MPRIP: variants seen among roughly 807,000 people sequenced by gnomAD.
The protein encoded by MPRIP is myosin phosphatase Rho-interacting protein.
A neutral mutation model predicts 234.9 loss-of-function variants in MPRIP; 59 were observed. The ratio of observed to expected loss-of-function variants is 0.25; its 90% CI spans 0.20 to 0.31. The LOEUF is 0.31. MPRIP is among the 10% of genes least tolerant of loss of function. MPRIP has a pLI of 1.00. For synonymous variants in MPRIP, 1,144 were observed against 1,263.9 expected (o/e 0.91, Z 2.01); for missense variants, 2,436 against 3,071.0 (o/e 0.79, Z 4.89).
Position 17,164,221 on chromosome 17 carries a change from A to C in MPRIP, c.2630A>C (p.Gln877Pro), listed in dbSNP as rs560334996. The change falls in exon 16 of 24, where the codon CAG becomes CCG. Residue 877 changes from glutamine (Q) to proline (P), a missense_variant. Gln to Pro is a moderately conservative substitution (Grantham distance 76). Coordinates refer to ENST00000651222, the MANE Select transcript of MPRIP (RefSeq NM_001364716.4). Reference sequence around the variant, plus strand: ...CAGCGCCAGGAGCTGATTACACACCAGATTCAGACCCTGAAGCGTAGCTAT... The same window carrying C: ...CAGCGCCAGGAGCTGATTACACACCCGATTCAGACCCTGAAGCGTAGCTAT... The part of the protein sequence containing the change: ...QCQRQELITH[Q>P]IQTLKRSYGE... The C allele has an allele frequency of 7.7e-7, 1 of 1,304,378 alleles. No homozygotes were observed. The highest frequency in any genetic ancestry group is 5.5e-5 in the East Asian group (1 of 18,034). 80.8% of individuals were successfully genotyped at this position (1,304,378 alleles called of 1,614,324 possible).
At chr17:17,179,115 AC>A (rs1387561105) in intron 22 of MPRIP, among the ~76,000 whole-genome samples, 2 of 151,744 alleles carry the variant, frequency 1.3e-5, no homozygotes, top group Non-Finnish European at 1.5e-5. Flanking sequence ...GGAATTCGAG[AC>A]CAGTCTGGCC....
intron 3 of MPRIP, among the ~76,000 whole-genome samples, chr17:17,109,642 C>T (rs1341980960): frequency 6.6e-6 from 1 of 152,178 alleles, no homozygotes; most frequent in Non-Finnish European, 1.5e-5. Context: ...GCGGAGAGGG[C>T]CTAGAAGCTG....
At chr17:17,170,267 C>T (rs1407641020) in intron 16 of MPRIP, 2 of 150,986 alleles carry the variant, frequency 1.3e-5, no homozygotes, top group Admixed American at 6.6e-5. Flanking sequence ...CAAACAGAAG[C>T]GAGTGGGAGG....
At chr17:17,116,044 A>G (rs781664744) in intron 3 of MPRIP, among the ~76,000 whole-genome samples, 1 of 152,140 alleles carries the variant, frequency 6.6e-6, no homozygotes, top group Non-Finnish European at 1.5e-5. Context: ...TATTACATAT[A>G]TAAGTAAATC....
intron 3 of MPRIP, among the ~76,000 whole-genome samples, chr17:17,107,068 G>GT (rs1374128111): frequency 1.3e-5 from 2 of 152,238 alleles, no homozygotes; most frequent in Non-Finnish European, 2.9e-5. Flanking sequence ...CTCAAGGAAA[G>GT]TTTTATCTAC....
chr17:17,076,936 C>CTTTTTTTTTTTTTTTTTT (rs5819598), intron 2 of MPRIP: 3 of 91,386 alleles, frequency 3.3e-5, no homozygotes, highest in African/African-American at 1.3e-4. Context: ...GGGCTCTTTG[C>CTTTTTTTTTTTTTTTTTT]TTTTTTTTTT....
At chr17:17,066,416 T>C (rs1386834184) in intron 1 of MPRIP, among the ~76,000 whole-genome samples, 4 of 152,244 alleles carry the variant, frequency 2.6e-5, no homozygotes. Context: ...TTTTCTTCTG[T>C]AGAGCATTAA....
chr17:17,183,417 T>C (rs1285369940), intron 23 of MPRIP, among the ~76,000 whole-genome samples: 1 of 152,124 alleles, frequency 6.6e-6, no homozygotes, highest in Non-Finnish European at 1.5e-5. Flanking sequence ...GGGGTTTCAC[T>C]GTGTTAGCCA....
At chr17:17,046,316 T>G (rs2088349751) in intron 1 of MPRIP, among the ~76,000 whole-genome samples, 3 of 152,214 alleles carry the variant, frequency 2.0e-5, no homozygotes. Context: ...GCTTATGGGT[T>G]TTGCTGTTAC....
At chr17:17,169,436 A>G (rs1468375070) in intron 16 of MPRIP, among the ~76,000 whole-genome samples, 1 of 152,234 alleles carries the variant, frequency 6.6e-6, no homozygotes, top group African/African-American at 2.4e-5. Flanking sequence ...GGGAGGCCCC[A>G]TGCAGGTGCC....
intron 3 of MPRIP, among the ~76,000 whole-genome samples, chr17:17,101,298 G>T (rs1037078686): frequency 3.9e-5 from 6 of 152,220 alleles, no homozygotes; most frequent in Non-Finnish European, 7.3e-5. Context: ...GGGCCTGGTG[G>T]CCCACACCTG....
intron 3 of MPRIP, among the ~76,000 whole-genome samples, chr17:17,092,064 C>G (rs1369148706): frequency 6.6e-6 from 1 of 152,244 alleles, no homozygotes; most frequent in Non-Finnish European, 1.5e-5. Context: ...TGGGAACAAC[C>G]CCTTAACTCC....
intron 3 of MPRIP, among the ~76,000 whole-genome samples, chr17:17,124,805 G>A (rs1236409194): frequency 6.6e-6 from 1 of 152,174 alleles, no homozygotes; most frequent in East Asian, 1.9e-4. Context: ...TGCCCAGAGG[G>A]TTCAGACAGG....
chr17:17,121,652 ATTTTCT>A lies in MPRIP; in HGVS notation c.268-5033_268-5028del, dbSNP rs571078059. Among the ~76,000 whole-genome samples the A allele has an allele frequency of 6.1e-3, 921 of 151,908 alleles. 5 individuals are homozygous for A. The highest frequency in any genetic ancestry group is 0.011 in the Non-Finnish European group (745 of 67,934). On this transcript the variant is annotated intron_variant, in intron 3 of 23. Coordinates refer to ENST00000651222, the MANE Select transcript of MPRIP (RefSeq NM_001364716.4). ...GCACTACTGAGACTTGGAGGGAGCT[ATTTTCT>A]TTTTCTTTTTCTTTTTTTAAGTTCA...
intron 1 of MPRIP, among the ~76,000 whole-genome samples, chr17:17,071,373 A>G (rs1296265147): frequency 6.6e-6 from 1 of 151,872 alleles, no homozygotes; most frequent in Non-Finnish European, 1.5e-5. Flanking sequence ...TTTCTCCAGT[A>G]CCCACTCTGG....
At chr17:17,150,358 T>C in intron 12 of MPRIP, 125 bp downstream of exon 12, 1 of 671,568 alleles carries the variant, frequency 1.5e-6, no homozygotes, top group Non-Finnish European at 2.6e-6. Context: ...CAGCACTTAG[T>C]CTTTCCCACT....
At chr17:17,097,161 C>T (rs2089865537) in intron 3 of MPRIP, 1 of 198,576 alleles carries the variant, frequency 5.0e-6, no homozygotes, top group African/African-American at 2.3e-5. Flanking sequence ...AAAATCAGTT[C>T]ATGGTGAAAA....
chr17:17,135,115 T>G (rs1010419918), intron 5 of MPRIP, among the ~76,000 whole-genome samples: 1 of 152,264 alleles, frequency 6.6e-6, no homozygotes, highest in African/African-American at 2.4e-5. Context: ...TTGGCAGCCC[T>G]CTGGGCAGGG....
intron 1 of MPRIP, among the ~76,000 whole-genome samples, chr17:17,067,828 AAT>A (rs2089085843): frequency 1.5e-5 from 2 of 129,732 alleles, no homozygotes; most frequent in South Asian, 4.8e-4. Context: ...AATTATATAG[AAT>A]TAGTGTCAGT....
Sources: allele counts gnomAD v4.1 joint callset (sites outside exome capture counted in the v4.1 genomes callset), GRCh38; gene constraint gnomAD v4.1.1; transcripts MANE v1.5; gene names NCBI Gene and HGNC (gene_info 2026-07-23, HGNC 2026-07-21).